SNX13: variants seen among roughly 807,000 people sequenced by gnomAD.
SNX13 encodes sorting nexin 13.
Under a neutral mutation model 133.6 loss-of-function variants are expected in SNX13, and 45 were observed. The observed-to-expected ratio is 0.34, with a 90% CI of 0.27 to 0.43. SNX13 has a LOEUF of 0.43. Among genes scored for constraint, SNX13 ranks in the 20% least tolerant of loss-of-function variants. The probability of loss-of-function intolerance (pLI) is 1.00; values close to 1 mark genes in which losing one functional copy is unlikely to be tolerated. For missense variants in SNX13, 1,032 were observed against 1,145.1 expected, an observed-to-expected ratio of 0.90 and a Z score of 1.43; for synonymous variants, 414 against 373.9, an observed-to-expected ratio of 1.11 and a Z score of -1.24.
intron 22 of SNX13, 120 bp from the exon 23 acceptor site, chr7:17,799,274 C>A: frequency 2.4e-6 from 2 of 817,902 alleles, no homozygotes; most frequent in South Asian, 2.5e-5. Flanking sequence ...TACATTTTAG[C>A]CTTTGTAACT....
chr7:17,804,924 A>G (rs1785017950), intron 20 of SNX13, among the ~76,000 whole-genome samples: 1 of 152,198 alleles, frequency 6.6e-6, no homozygotes, highest in African/African-American at 2.4e-5. Context: ...TTCCATCAAG[A>G]AAAACTAGAA....
intron 21 of SNX13, among the ~76,000 whole-genome samples, chr7:17,802,733 T>A (rs1055808453): frequency 6.6e-6 from 1 of 152,154 alleles, no homozygotes; most frequent in Admixed American, 6.5e-5. Context: ...TTCCCCTACA[T>A]TCAAGCATAA....
At position 17,891,535 on chromosome 7, in the gene SNX13, C is replaced by A; in HGVS notation, c.318+11G>T. ...ATATATAGAATTCAAATACCACACG[C>A]TGAAACTCACTTGCTGGAGAGGTTC... On this transcript the variant is annotated intron_variant, in intron 4 of 25. Transcript: ENST00000428135. 1.3e-6 allele frequency: 2 copies of A among 1,599,614 alleles called. No individual in the cohort carries two copies. The highest frequency in any genetic ancestry group is 1.7e-6 in the Non-Finnish European group (2 of 1,167,894).
chr7:17,832,437 G>C (rs976522358), intron 15 of SNX13: 14 of 984,286 alleles, frequency 1.4e-5, no homozygotes, highest in Non-Finnish European at 1.2e-6. Context: ...CAATTATTTG[G>C]TTATGACTTT....
At chr7:17,802,208 T>C (rs1378614744) in intron 21 of SNX13, among the ~76,000 whole-genome samples, 1 of 152,042 alleles carries the variant, frequency 6.6e-6, no homozygotes, top group African/African-American at 2.4e-5. Context: ...ACATACCATC[T>C]AGGTTTGTGT....
At chr7:17,826,238 C>T in intron 16 of SNX13, 147 bp from the exon 17 acceptor site, 1 of 458,898 alleles carries the variant, frequency 2.2e-6, no homozygotes, top group Non-Finnish European at 3.9e-6. Flanking sequence ...CCCCTCCATA[C>T]ACAATAATAT....
At chr7:17,853,051 TGGTCAGAAGA>T (rs1791430367) in intron 9 of SNX13, among the ~76,000 whole-genome samples, 1 of 152,148 alleles carries the variant, frequency 6.6e-6, no homozygotes, top group Admixed American at 6.5e-5. Flanking sequence ...ATAAAAGAGT[TGGTCAGAAGA>T]GTGGGCCAGG....
chr7:17,811,621 T>C (rs1345761239), intron 20 of SNX13, among the ~76,000 whole-genome samples: 1 of 152,320 alleles, frequency 6.6e-6, no homozygotes, highest in African/African-American at 2.4e-5. Context: ...TACCATTGAC[T>C]TTCTTCACAG....
rs75885934 is a variant in SNX13 at position 17,936,899 on chromosome 7, T to G, written c.12+3385A>C. 3.4e-3 allele frequency among the ~76,000 whole-genome samples: 507 copies of G among 150,918 alleles called. 1 individual carries two copies. Among genetic ancestry groups the G allele is most frequent in the African/African-American group, 0.012 (477 of 41,178 alleles). On this transcript the variant is annotated intron_variant, in intron 1 of 25. Transcript: ENST00000428135. ...GTGAATATTAAACAAGTAACTTTCA[T>G]GTACACTATGACAAATTTTTTGCCA...
intron 9 of SNX13, among the ~76,000 whole-genome samples, chr7:17,864,872 A>G: frequency 6.6e-6 from 1 of 152,124 alleles, no homozygotes; most frequent in Non-Finnish European, 1.5e-5. Flanking sequence ...AATAACACAA[A>G]GGAGCTCTGA....
At chr7:17,923,548 A>C (rs1054562115) in intron 1 of SNX13, among the ~76,000 whole-genome samples, 1 of 152,198 alleles carries the variant, frequency 6.6e-6, no homozygotes, top group Admixed American at 6.5e-5. Context: ...TGCTAAAAGA[A>C]CGGGTCAGCC....
At position 17,823,145 on chromosome 7, in the gene SNX13, G is replaced by A. The variant is rs187875814; in HGVS notation, c.1706-1497C>T. On this transcript the variant is annotated intron_variant, in intron 17 of 25. Coordinates refer to ENST00000428135, the MANE Select transcript of SNX13 (RefSeq NM_015132.5). Reference sequence around the variant, plus strand: ...CAAGATCCAGTCTTTATGCTACTATGAGCCCCTTGCTTTAACACCCCTTCA... The same window carrying A: ...CAAGATCCAGTCTTTATGCTACTATAAGCCCCTTGCTTTAACACCCCTTCA... 1.6e-3 allele frequency among the ~76,000 whole-genome samples: 249 copies of A among 152,230 alleles called. 2 individuals are homozygous for A. The highest frequency in any genetic ancestry group is 0.014 in the Admixed American group (207 of 15,288).
intron 15 of SNX13, chr7:17,831,052 T>C (rs1013198249): frequency 6.0e-5 from 59 of 984,242 alleles, no homozygotes; most frequent in Non-Finnish European, 6.9e-5. Flanking sequence ...CTATCCTCCT[T>C]ATTCAATTAT....
intron 1 of SNX13, among the ~76,000 whole-genome samples, chr7:17,934,440 G>T (rs530938400): frequency 2.0e-5 from 3 of 152,194 alleles, no homozygotes; most frequent in Non-Finnish European, 2.9e-5. Flanking sequence ...TCCTTTGGAT[G>T]TGTCTGTGAG....
At chr7:17,877,742 T>C (rs945429161) in intron 5 of SNX13, among the ~76,000 whole-genome samples, 29 of 151,902 alleles carry the variant, frequency 1.9e-4, no homozygotes, top group Admixed American at 1.0e-3. Context: ...CATACAAAAT[T>C]ATTTTAAATT....
intron 3 of SNX13, among the ~76,000 whole-genome samples, chr7:17,892,188 T>C (rs1273945486): frequency 1.3e-5 from 2 of 152,008 alleles, no homozygotes; most frequent in Admixed American, 1.3e-4. Context: ...TAAACATAGA[T>C]ACAGATATAG....
intron 5 of SNX13, among the ~76,000 whole-genome samples, chr7:17,876,318 C>T (rs535839563): frequency 1.1e-4 from 16 of 152,286 alleles, no homozygotes; most frequent in African/African-American, 2.2e-4. Context: ...CAGTGGCTCA[C>T]GCCTATAATC....
rs1404252042 is a variant in SNX13, at chr7:17,792,753, G to C, written c.*1292C>G. ...CAATGAAAGTATTTAAAACTATGCAGAAATCCTGCATAGAAGGGATGTGAA... is the reference window on the plus strand; with the variant it reads ...CAATGAAAGTATTTAAAACTATGCACAAATCCTGCATAGAAGGGATGTGAA... On this transcript the variant is annotated 3_prime_UTR_variant, in exon 26 of 26. Coordinates refer to ENST00000428135, the MANE Select transcript of SNX13 (RefSeq NM_015132.5). 1 of 152,366 alleles carries C rather than the reference G, an allele frequency of 6.6e-6. No individual in the cohort carries two copies. Among genetic ancestry groups the C allele is most frequent in the Non-Finnish European group, 1.5e-5 (1 of 67,820 alleles). The allele number at this position is 152,366 out of a possible 1,614,324, so 9.4% of individuals were successfully genotyped here.
At chr7:17,830,565 ATTTT>A (rs1788375546) in intron 15 of SNX13, 1 of 983,602 alleles carries the variant, frequency 1.0e-6, no homozygotes, top group South Asian at 4.7e-5. Flanking sequence ...GGAAGTCCAG[ATTTT>A]TAAATCAATA....
Sources: gnomAD v4.1 joint callset for allele counts (sites outside exome capture counted in the v4.1 genomes callset) on GRCh38, gnomAD v4.1.1 for gene constraint, MANE v1.5 for transcripts, NCBI Gene and HGNC (gene_info 2026-07-23, HGNC 2026-07-21) for gene names.